Variants in MMP16 observed in about 807,000 individuals in gnomAD.
MMP16 encodes the protein matrix metallopeptidase 16.
Under a neutral mutation model 67.8 loss-of-function variants are expected in MMP16, and 12 were observed. The observed-to-expected ratio is 0.18, with a 90% CI of 0.11 to 0.29. The LOEUF (loss-of-function observed/expected upper bound fraction) is 0.29. MMP16 is among the 10% of genes least tolerant of loss of function. MMP16 has a pLI of 1.00. For synonymous variants in MMP16, 249 were observed against 255.9 expected, an observed-to-expected ratio of 0.97 and a Z score of 0.26; for missense variants, 475 against 765.7, an observed-to-expected ratio of 0.62 and a Z score of 4.48.
At chr8:88,114,443 G>T (rs182653280) in intron 6 of MMP16, among the ~76,000 whole-genome samples, 2 of 151,830 alleles carry the variant, frequency 1.3e-5, no homozygotes, top group Admixed American at 1.3e-4. Flanking sequence ...TTACTCTTAC[G>T]TATTAAAAGT....
intron 1 of MMP16, among the ~76,000 whole-genome samples, chr8:88,267,872 C>T (rs1285062195): frequency 1.3e-5 from 2 of 152,056 alleles, no homozygotes; most frequent in African/African-American, 4.8e-5. Flanking sequence ...ACATCATATT[C>T]CTATTCAATG....
chr8:88,311,092 T>C (rs1171317613), intron 1 of MMP16, among the ~76,000 whole-genome samples: 1 of 152,186 alleles, frequency 6.6e-6, no homozygotes, highest in African/African-American at 2.4e-5. Flanking sequence ...GAATAAGTTA[T>C]TATAAATGCA....
chr8:88,221,407 G>A (rs1201150685), intron 1 of MMP16, among the ~76,000 whole-genome samples: 2 of 151,956 alleles, frequency 1.3e-5, no homozygotes, highest in Admixed American at 6.6e-5. Context: ...TCCGTCTTCC[G>A]TATGCACCAA....
chr8:88,096,243 ATGAGT>A (rs1563530277), intron 6 of MMP16, among the ~76,000 whole-genome samples: 2 of 151,960 alleles, frequency 1.3e-5, no homozygotes, highest in African/African-American at 4.8e-5. Flanking sequence ...GGGTTTGATT[ATGAGT>A]TATTTCCCTA....
At chr8:88,076,357 T>C (rs1341748553) in intron 6 of MMP16, among the ~76,000 whole-genome samples, 1 of 152,166 alleles carries the variant, frequency 6.6e-6, no homozygotes, top group Non-Finnish European at 1.5e-5. Context: ...AAAATTATAT[T>C]GAAACGAGTT....
At chr8:88,116,467 T>C (rs1809435903) in intron 6 of MMP16, 40 bp downstream of exon 6, 1 of 1,535,208 alleles carries the variant, frequency 6.5e-7, no homozygotes, top group Non-Finnish European at 9.0e-7. Flanking sequence ...CACTAGACAC[T>C]TGATCTACTG....
intron 8 of MMP16, among the ~76,000 whole-genome samples, chr8:88,052,729 T>C (rs748907359): frequency 1.3e-5 from 2 of 152,192 alleles, no homozygotes; most frequent in African/African-American, 4.8e-5. Context: ...CAATCCAACT[T>C]CTTTCCTACA....
At chr8:88,149,292 C>T (rs950882837) in intron 4 of MMP16, among the ~76,000 whole-genome samples, 9 of 152,338 alleles carry the variant, frequency 5.9e-5, no homozygotes, top group African/African-American at 2.2e-4. Context: ...TGAGGGGCGC[C>T]CGCCATTGCC....
chr8:88,148,910 C>G (rs374052715), intron 4 of MMP16, among the ~76,000 whole-genome samples: 36 of 152,184 alleles, frequency 2.4e-4, no homozygotes, highest in Admixed American at 9.8e-4. Flanking sequence ...GCGTGAGCGA[C>G]GCAGAAGACG....
chr8:88,146,550 C>A (rs928698267), intron 4 of MMP16, among the ~76,000 whole-genome samples: 1 of 151,712 alleles, frequency 6.6e-6, no homozygotes, highest in Non-Finnish European at 1.5e-5. Flanking sequence ...TGCAATTTGC[C>A]CTATTCACTC....
At chr8:88,126,683 T>C (rs1433754144) in intron 4 of MMP16, among the ~76,000 whole-genome samples, 1 of 151,858 alleles carries the variant, frequency 6.6e-6, no homozygotes, top group East Asian at 1.9e-4. Flanking sequence ...AATCATTACT[T>C]TGCATACCTT....
intron 1 of MMP16, 69 bp from the exon 2 acceptor site, chr8:88,197,375 G>C: frequency 7.4e-7 from 1 of 1,343,122 alleles, no homozygotes; most frequent in Non-Finnish European, 9.9e-7. Context: ...GGTAATTAAT[G>C]TATATCTATA....
intron 7 of MMP16, among the ~76,000 whole-genome samples, chr8:88,064,313 C>A (rs532672042): frequency 1.3e-5 from 2 of 152,172 alleles, no homozygotes; most frequent in African/African-American, 4.8e-5. Flanking sequence ...GTTTATTGGG[C>A]TGATTACTGT....
chr8:88,193,082 A>G (rs941380010), intron 2 of MMP16, among the ~76,000 whole-genome samples: 3 of 151,480 alleles, frequency 2.0e-5, no homozygotes, highest in African/African-American at 7.3e-5. Flanking sequence ...GGGTATCAGT[A>G]TATTGAAAAG....
At chr8:88,131,294 C>CACAA (rs1554579877) in intron 4 of MMP16, among the ~76,000 whole-genome samples, 1 of 151,288 alleles carries the variant, frequency 6.6e-6, no homozygotes, top group African/African-American at 2.4e-5. Flanking sequence ...CACACACACA[C>CACAA]AATCTTCCAT....
intron 6 of MMP16, among the ~76,000 whole-genome samples, chr8:88,093,427 G>T (rs1415462914): frequency 6.6e-6 from 1 of 151,696 alleles, no homozygotes; most frequent in Non-Finnish European, 1.5e-5. Context: ...TGTTTGTTCA[G>T]TGATTCCTTT....
intron 1 of MMP16, among the ~76,000 whole-genome samples, chr8:88,274,314 A>AGGGAT (rs1810611757): frequency 6.6e-6 from 1 of 152,136 alleles, no homozygotes; most frequent in Non-Finnish European, 1.5e-5. Context: ...CTTCTAAGGG[A>AGGGAT]GGGATTATAA....
intron 2 of MMP16, among the ~76,000 whole-genome samples, chr8:88,189,333 C>G (rs531305390): frequency 1.3e-5 from 2 of 152,228 alleles, no homozygotes; most frequent in Admixed American, 6.5e-5. Context: ...CAAAGAAAAT[C>G]ATGATATTCC....
chr8:88,225,314 TAC>T (rs746098820), intron 1 of MMP16, among the ~76,000 whole-genome samples: 1 of 152,004 alleles, frequency 6.6e-6, no homozygotes, highest in Non-Finnish European at 1.5e-5. Flanking sequence ...TAAAAATGCA[TAC>T]AGACTGTGTT....
Sources: allele counts gnomAD v4.1 joint callset (sites outside exome capture counted in the v4.1 genomes callset), GRCh38; gene constraint gnomAD v4.1.1; transcripts MANE v1.5; gene names NCBI Gene and HGNC (gene_info 2026-07-23, HGNC 2026-07-21).